Variants in PDE1A observed in about 807,000 individuals in gnomAD.
PDE1A encodes phosphodiesterase 1A.
A neutral mutation model predicts 61.7 loss-of-function variants in PDE1A; 35 were observed. That is an observed-to-expected ratio of 0.57 (90% CI 0.43 to 0.75). The LOEUF is 0.75. PDE1A is among the 30% of genes least tolerant of loss of function. PDE1A has a pLI of 0.00. For missense variants in PDE1A, 597 were observed against 630.6 expected, an observed-to-expected ratio of 0.95 and a Z score of 0.57; for synonymous variants, 232 against 213.2, an observed-to-expected ratio of 1.09 and a Z score of -0.77.
the PDE1A span, among the ~76,000 whole-genome samples, chr2:182,689,961 C>A: frequency 6.6e-6 from 1 of 151,972 alleles, no homozygotes; most frequent in South Asian, 2.1e-4. Context: ...ACACATACAC[C>A]CTCCCAAGAC....
At chr2:182,453,382 T>A (rs1685657693) in intron 2 of PDE1A, among the ~76,000 whole-genome samples, 1 of 152,058 alleles carries the variant, frequency 6.6e-6, no homozygotes, top group African/African-American at 2.4e-5. Context: ...ATTGGACACA[T>A]GATGCCCGAT....
At chr2:182,403,471 C>A (rs566559181) in intron 1 of PDE1A, among the ~76,000 whole-genome samples, 2 of 151,694 alleles carry the variant, frequency 1.3e-5, no homozygotes, top group African/African-American at 2.4e-5. Context: ...TGGTGGCGGG[C>A]GCCTGTAGTC....
intron 2 of PDE1A, among the ~76,000 whole-genome samples, chr2:182,462,168 G>C (rs186541997): frequency 3.7e-4 from 57 of 152,002 alleles, no homozygotes; most frequent in African/African-American, 1.3e-3. Flanking sequence ...GGTGGGGGGA[G>C]CGGGGAGGGA....
chr2:182,630,983 C>T, the PDE1A span, among the ~76,000 whole-genome samples: 8 of 151,854 alleles, frequency 5.3e-5, no homozygotes, highest in African/African-American at 1.5e-4. Flanking sequence ...TGTACATATA[C>T]GTTGTGTGTA....
chr2:182,348,317 T>C (rs1228004015), intron 1 of PDE1A, among the ~76,000 whole-genome samples: 1 of 152,104 alleles, frequency 6.6e-6, no homozygotes, highest in East Asian at 1.9e-4. Flanking sequence ...ACTCTTTCAG[T>C]AAGAGGAACT....
chr2:182,673,045 T>C, the PDE1A span, among the ~76,000 whole-genome samples: 2 of 152,204 alleles, frequency 1.3e-5, no homozygotes, highest in African/African-American at 4.8e-5. Flanking sequence ...CAGAGTAATT[T>C]TTCCGGTGTA....
chr2:182,261,294 C>A (rs1442010346), intron 2 of PDE1A, among the ~76,000 whole-genome samples: 1 of 152,142 alleles, frequency 6.6e-6, no homozygotes, highest in African/African-American at 2.4e-5. Context: ...TGACCTGTGT[C>A]AAACCGTTTC....
At chr2:182,596,982 G>A in the PDE1A span, among the ~76,000 whole-genome samples, 9 of 151,452 alleles carry the variant, frequency 5.9e-5, no homozygotes, top group Non-Finnish European at 1.2e-4. Flanking sequence ...GGCAAACCCC[G>A]TCTCTATTAA....
At chr2:182,528,556 C>T in the PDE1A span, among the ~76,000 whole-genome samples, 47,638 of 152,124 alleles carry the variant, frequency 0.31, 9,321 homozygotes, top group East Asian at 0.59. Context: ...AAACTCAAGC[C>T]GGCTACAGAA....
chr2:182,603,964 AC>A, the PDE1A span, among the ~76,000 whole-genome samples: 2 of 152,030 alleles, frequency 1.3e-5, no homozygotes. Flanking sequence ...TTAAAAGTAA[AC>A]CCTTTCATAA....
Position 182,245,303 on chromosome 2 carries a change from T to C in PDE1A, c.168-5011A>G, listed in dbSNP as rs1204837495. Among the ~76,000 whole-genome samples the C allele has an allele frequency of 3.3e-5, 5 of 152,212 alleles. No homozygotes were observed. In the East Asian group the frequency reaches 7.7e-4, roughly 23 times the overall value. On this transcript the variant is annotated intron_variant, in intron 2 of 13. Coordinates refer to ENST00000351439, the Ensembl canonical transcript of PDE1A. ...CCCATATTACTGACATCTGGTATTA[T>C]TGTGGTACAGTTATTTCAGTTGATG...
chr2:182,622,622 C>T, the PDE1A span, among the ~76,000 whole-genome samples: 1 of 152,100 alleles, frequency 6.6e-6, no homozygotes, highest in Non-Finnish European at 1.5e-5. Context: ...ATTAATTTTA[C>T]AAATTGGTTC....
rs561944235 is a variant in PDE1A at position 182,469,004 on chromosome 2, T to C, written c.101+53272A>G. Among the ~76,000 whole-genome samples the C allele has an allele frequency of 6.6e-5, 10 of 152,098 alleles. No homozygotes were observed. In the East Asian group the frequency reaches 9.7e-4, roughly 15 times the overall value. On this transcript the variant is annotated intron_variant, in intron 2 of 14. Coordinates refer to the PDE1A transcript ENST00000410103. The stretch of plus-strand genomic sequence containing the variant: ...GATGTACTGTTATCCAGCTTCATTG[T>C]TGCATTTCTAGAATAGAGGCAGAGT...
the PDE1A span, among the ~76,000 whole-genome samples, chr2:182,589,078 AATAATAAT>A: frequency 9.4e-6 from 1 of 106,336 alleles, no homozygotes; most frequent in Non-Finnish European, 1.9e-5. Context: ...TAATAATAAT[AATAATAAT>A]AATAATTTTA....
chr2:182,604,155 T>C, the PDE1A span, among the ~76,000 whole-genome samples: 5 of 152,244 alleles, frequency 3.3e-5, no homozygotes, highest in East Asian at 3.9e-4. Context: ...AAAGAAATTA[T>C]AATGAAATGT....
intron 1 of PDE1A, among the ~76,000 whole-genome samples, chr2:182,353,023 A>G (rs991920438): frequency 2.6e-5 from 4 of 152,204 alleles, no homozygotes; most frequent in African/African-American, 9.6e-5. Context: ...TATAAAGCAG[A>G]GCTAGTTAAA....
At chr2:182,261,589 C>T (rs905140973) in intron 2 of PDE1A, among the ~76,000 whole-genome samples, 77 of 152,044 alleles carry the variant, frequency 5.1e-4, no homozygotes, top group African/African-American at 1.8e-3. Flanking sequence ...ATTTCTACCA[C>T]GAAGCAGGGC....
chr2:182,501,742 T>A (rs913426364), intron 2 of PDE1A, among the ~76,000 whole-genome samples: 1 of 152,126 alleles, frequency 6.6e-6, no homozygotes, highest in Non-Finnish European at 1.5e-5. Context: ...CCTCACCCAC[T>A]TTCTCCCTGT....
chr2:182,151,898 G>C (rs550532982), intron 13 of PDE1A, among the ~76,000 whole-genome samples: 1 of 152,308 alleles, frequency 6.6e-6, no homozygotes, highest in Admixed American at 6.5e-5. Flanking sequence ...TCATTTTAGA[G>C]ATGAGAAAGA....
Sources: gnomAD v4.1 joint callset for allele counts (sites outside exome capture counted in the v4.1 genomes callset) on GRCh38, gnomAD v4.1.1 for gene constraint, MANE v1.5 for transcripts, NCBI Gene and HGNC (gene_info 2026-07-23, HGNC 2026-07-21) for gene names.